MAML2: variants seen among roughly 807,000 people sequenced by gnomAD.
MAML2 encodes mastermind like transcriptional coactivator 2, also known as mastermind-like protein 2.
In MAML2, 22 loss-of-function variants were observed where a neutral mutation model predicts 96.1. The ratio of observed to expected loss-of-function variants is 0.23; its 90% confidence interval spans 0.16 to 0.33. MAML2 has a LOEUF of 0.33. Ranked by LOEUF, MAML2 falls within the 10% of genes least tolerant of loss-of-function variation. MAML2 has a pLI of 1.00. For synonymous variants in MAML2, 561 were observed against 521.3 expected (o/e 1.08, Z -1.04); for missense variants, 1,367 against 1,392.4 (o/e 0.98, Z 0.29).
chr11:96,016,273 T>TGGGGGGGGGG (rs1858350877), intron 2 of MAML2, among the ~76,000 whole-genome samples: 1 of 7,356 alleles, frequency 1.4e-4, no homozygotes, highest in African/African-American at 5.2e-4. Context: ...GGGGGGAGGG[T>TGGGGGGGGGG]GGGTGGGCAG....
chr11:96,100,313 C>A lies in MAML2; in HGVS notation c.514-6796G>T, dbSNP rs1407478093. 1.6e-4 allele frequency among the ~76,000 whole-genome samples: 23 copies of A among 146,098 alleles called. No homozygotes were observed. In the South Asian group the frequency reaches 4.5e-3, roughly 29 times the overall value. Reference sequence around the variant, plus strand: ...GTTATTGTTGTTGTTGTTTTTCTTTCTTTTTTTTTTTCTTGAGATGGAGTC... The same window carrying A: ...GTTATTGTTGTTGTTGTTTTTCTTTATTTTTTTTTTTCTTGAGATGGAGTC... On this transcript the variant is annotated intron_variant, in intron 1 of 4. Transcript: ENST00000524717.
At chr11:96,288,762 T>C (rs1353109960) in intron 1 of MAML2, among the ~76,000 whole-genome samples, 1 of 152,202 alleles carries the variant, frequency 6.6e-6, no homozygotes, top group Non-Finnish European at 1.5e-5. Context: ...TTTAAATTAA[T>C]TTTAATTATT....
At position 96,121,950 on chromosome 11, in the gene MAML2, C is replaced by CTTTTTTTT. The variant is rs71040130; in HGVS notation, c.514-28441_514-28434dup. Among the ~76,000 whole-genome samples, 76 of 56,844 alleles carry CTTTTTTTT rather than the reference C, an allele frequency of 1.3e-3. 3 individuals are homozygous for CTTTTTTTT. Among genetic ancestry groups the CTTTTTTTT allele is most frequent in the African/African-American group, 2.0e-3 (25 of 12,572 alleles). The allele number at this position is 56,844 out of a possible 152,430, so 37.3% of individuals were successfully genotyped here. A position where few individuals can be genotyped will look rare whatever the true frequency, so the allele number is the denominator to read the frequency against. On this transcript the variant is annotated intron_variant, in intron 1 of 4. Coordinates refer to ENST00000524717, the MANE Select transcript of MAML2 (RefSeq NM_032427.4). ...TACAGGCACCCGCCACCACGCCCGG[C>CTTTTTTTT]TTTTTTTTTTTTTTTTTTTTTTTTT...
intron 4 of MAML2, among the ~76,000 whole-genome samples, chr11:95,980,801 G>T (rs1242219565): frequency 6.6e-6 from 1 of 152,142 alleles, no homozygotes; most frequent in East Asian, 1.9e-4. Context: ...GTCTCAAAGT[G>T]CCTGCCAGTT....
chr11:96,223,304 A>G (rs965592924), intron 1 of MAML2, among the ~76,000 whole-genome samples: 3 of 152,226 alleles, frequency 2.0e-5, no homozygotes, highest in African/African-American at 7.2e-5. Context: ...GATGTACACA[A>G]TAATGATTAC....
intron 1 of MAML2, among the ~76,000 whole-genome samples, chr11:96,294,317 T>TAA (rs71040140): frequency 7.5e-5 from 11 of 146,856 alleles, no homozygotes; most frequent in Middle Eastern, 3.5e-3. Flanking sequence ...TAACCCATTG[T>TAA]AAAAAAAAAA....
intron 1 of MAML2, among the ~76,000 whole-genome samples, chr11:96,327,255 T>C (rs931582161): frequency 6.6e-6 from 1 of 152,186 alleles, no homozygotes. Flanking sequence ...GAGGGATGAC[T>C]GGCCCCGAGG....
intron 2 of MAML2, among the ~76,000 whole-genome samples, chr11:96,024,994 T>G (rs914522671): frequency 6.6e-6 from 1 of 152,192 alleles, no homozygotes; most frequent in Non-Finnish European, 1.5e-5. Context: ...AGTTTGGAGA[T>G]TTCTCAAAGA....
At chr11:96,088,974 A>C (rs1859663243) in intron 2 of MAML2, among the ~76,000 whole-genome samples, 2 of 152,038 alleles carry the variant, frequency 1.3e-5, no homozygotes. Context: ...CAGAGAACCA[A>C]GATTTTCATC....
intron 1 of MAML2, among the ~76,000 whole-genome samples, chr11:96,205,154 T>A (rs527282078): frequency 6.6e-6 from 1 of 152,344 alleles, no homozygotes; most frequent in Non-Finnish European, 1.5e-5. Flanking sequence ...AATTGAATGC[T>A]CCAGTCTGTT....
At chr11:96,194,141 G>T (rs766798490) in intron 1 of MAML2, among the ~76,000 whole-genome samples, 2 of 152,218 alleles carry the variant, frequency 1.3e-5, no homozygotes, top group African/African-American at 4.8e-5. Context: ...AAGAAAGGCC[G>T]AGACTCTAAT....
intron 1 of MAML2, among the ~76,000 whole-genome samples, chr11:96,256,541 T>C (rs1484599871): frequency 6.6e-6 from 1 of 152,224 alleles, no homozygotes; most frequent in Non-Finnish European, 1.5e-5. Context: ...TATTTCCCCC[T>C]ATACATGGGT....
chr11:96,007,747 A>G lies in MAML2; in HGVS notation c.2140-16024T>C, dbSNP rs1257316646. 3.9e-5 allele frequency among the ~76,000 whole-genome samples: 6 copies of G among 152,070 alleles called. No individual in the cohort carries two copies. The East Asian group carries it at 1.2e-3, about 29-fold the overall frequency. On this transcript the variant is annotated intron_variant, in intron 2 of 4. Coordinates refer to ENST00000524717, the MANE Select transcript of MAML2 (RefSeq NM_032427.4). ...ATAATTACTTAGATATTATTAAGAAAGTAACATTCTCAGTAAACTATCGCA... is the reference window on the plus strand; with the variant it reads ...ATAATTACTTAGATATTATTAAGAAGGTAACATTCTCAGTAAACTATCGCA...
chr11:96,312,527 T>C (rs1863557483), intron 1 of MAML2, among the ~76,000 whole-genome samples: 1 of 152,204 alleles, frequency 6.6e-6, no homozygotes, highest in Admixed American at 6.5e-5. Context: ...ACAATGTATG[T>C]TTTGAAATTT....
chr11:96,108,844 G>A (rs1860071275), intron 1 of MAML2, among the ~76,000 whole-genome samples: 1 of 151,980 alleles, frequency 6.6e-6, no homozygotes, highest in Non-Finnish European at 1.5e-5. Context: ...ACCAGCCTGG[G>A]CAAGACGGCA....
chr11:95,987,382 A>G (rs1857844032), intron 3 of MAML2, among the ~76,000 whole-genome samples: 1 of 152,198 alleles, frequency 6.6e-6, no homozygotes, highest in Non-Finnish European at 1.5e-5. Flanking sequence ...TTGGGAATTA[A>G]GGGCTGCTTT....
At position 96,325,169 on chromosome 11, in the gene MAML2, A is replaced by ACGTCCCCAT. The variant is rs540962241; in HGVS notation, c.513+16205_513+16213dup. Among the ~76,000 whole-genome samples, 233 of 151,996 alleles carry ACGTCCCCAT rather than the reference A, an allele frequency of 1.5e-3. 1 individual carries two copies. Among genetic ancestry groups the ACGTCCCCAT allele is most frequent in the African/African-American group, 5.4e-3 (223 of 41,456 alleles). On this transcript the variant is annotated intron_variant, in intron 1 of 4. Transcript: ENST00000524717. ...TATGTCTGGGAGCTGAAGACATTCAACGTCCCCATCTAGTTGCAAATTTAG... is the reference window on the plus strand; with the variant it reads ...TATGTCTGGGAGCTGAAGACATTCAACGTCCCCATCGTCCCCATCTAGTTGCAAATTTAG...
intron 2 of MAML2, among the ~76,000 whole-genome samples, chr11:96,011,799 C>G (rs971752385): frequency 3.3e-5 from 5 of 152,048 alleles, no homozygotes; most frequent in African/African-American, 1.2e-4. Context: ...TTTTTCTTAG[C>G]CTTTAGGAAA....
At chr11:96,243,928 ACCGCG>A (rs1160343137) in intron 1 of MAML2, among the ~76,000 whole-genome samples, 3 of 152,280 alleles carry the variant, frequency 2.0e-5, no homozygotes, top group Middle Eastern at 3.4e-3. Flanking sequence ...GGCGTGAGCC[ACCGCG>A]CCCGGCCCAG....
Sources: allele counts gnomAD v4.1 joint callset (sites outside exome capture counted in the v4.1 genomes callset), GRCh38; gene constraint gnomAD v4.1.1; transcripts MANE v1.5; gene names NCBI Gene and HGNC (gene_info 2026-07-23, HGNC 2026-07-21).